Variants in BICD1 observed in about 807,000 individuals in gnomAD.
BICD1 encodes the protein BICD cargo adaptor 1, also known as protein bicaudal D homolog 1.
In BICD1, 35 loss-of-function variants were observed where a neutral mutation model predicts 92.5. The observed-to-expected ratio is 0.38, with a 90% CI of 0.29 to 0.50. The LOEUF is 0.50. BICD1 is among the 20% of genes least tolerant of loss of function. The probability of loss-of-function intolerance (pLI) is 0.93; values close to 1 mark genes in which losing one functional copy is unlikely to be tolerated. For synonymous variants in BICD1, 429 were observed against 465.1 expected (o/e 0.92, Z 1.00); for missense variants, 950 against 1,189.8 (o/e 0.80, Z 2.97).
chr12:32,148,557 A>G (rs1303288067), intron 1 of BICD1, among the ~76,000 whole-genome samples: 2 of 152,180 alleles, frequency 1.3e-5, no homozygotes, highest in African/African-American at 2.4e-5. Context: ...ACAGTTTCCC[A>G]GCCCATGAAT....
At chr12:32,363,503 A>G (rs907709704) in intron 8 of BICD1, among the ~76,000 whole-genome samples, 24 of 152,220 alleles carry the variant, frequency 1.6e-4, no homozygotes, top group African/African-American at 5.8e-4. Context: ...TAAACACTTT[A>G]ATTTTATGAT....
intron 2 of BICD1, among the ~76,000 whole-genome samples, chr12:32,235,197 A>G (rs1311764747): frequency 6.6e-6 from 1 of 152,196 alleles, no homozygotes; most frequent in Non-Finnish European, 1.5e-5. Flanking sequence ...GTGTCTGTCT[A>G]AGAATGGGGT....
intron 8 of BICD1, among the ~76,000 whole-genome samples, chr12:32,365,467 A>G (rs1435325787): frequency 6.6e-6 from 1 of 152,216 alleles, no homozygotes; most frequent in Non-Finnish European, 1.5e-5. Context: ...CAAATATATG[A>G]GATATTTTTA....
intron 8 of BICD1, among the ~76,000 whole-genome samples, chr12:32,364,801 A>C (rs1939463779): frequency 6.6e-6 from 1 of 152,128 alleles, no homozygotes; most frequent in African/African-American, 2.4e-5. Context: ...AATTTAAAAA[A>C]TTAGCAGGGT....
At chr12:32,244,006 T>C (rs568156210) in intron 2 of BICD1, among the ~76,000 whole-genome samples, 1 of 152,014 alleles carries the variant, frequency 6.6e-6, no homozygotes, top group Admixed American at 6.5e-5. Context: ...AATTATTTCT[T>C]ATTCAAACTT....
chr12:32,325,841 G>A (rs2136254763), intron 4 of BICD1, among the ~76,000 whole-genome samples: 1 of 152,108 alleles, frequency 6.6e-6, no homozygotes, highest in East Asian at 1.9e-4. Flanking sequence ...TGTAATCTTT[G>A]GGAGGCCGAG....
intron 3 of BICD1, among the ~76,000 whole-genome samples, chr12:32,297,223 C>T (rs56235810): frequency 0.1 from 15,253 of 151,982 alleles, 874 homozygotes; most frequent in South Asian, 0.14. Context: ...TTGGGGTTTT[C>T]TTGAGACAGG....
At chr12:32,126,895 G>A (rs1942365422) in intron 1 of BICD1, among the ~76,000 whole-genome samples, 2 of 152,144 alleles carry the variant, frequency 1.3e-5, no homozygotes, top group Non-Finnish European at 2.9e-5. Flanking sequence ...CATTTTTGTG[G>A]CTGCTTATGA....
intron 2 of BICD1, among the ~76,000 whole-genome samples, chr12:32,265,587 C>T (rs1460196026): frequency 6.6e-6 from 1 of 150,632 alleles, no homozygotes; most frequent in Non-Finnish European, 1.5e-5. Flanking sequence ...CACAGTGTCG[C>T]ATGCCTCTAG....
At chr12:32,326,257 T>C (rs1340212508) in intron 4 of BICD1, among the ~76,000 whole-genome samples, 4 of 152,024 alleles carry the variant, frequency 2.6e-5, no homozygotes, top group South Asian at 2.1e-4. Context: ...ATACTTCTTA[T>C]AGAACAATAA....
At chr12:32,180,207 G>C (rs1409064687) in intron 1 of BICD1, among the ~76,000 whole-genome samples, 2 of 151,822 alleles carry the variant, frequency 1.3e-5, no homozygotes, top group Non-Finnish European at 2.9e-5. Flanking sequence ...TCAATAATCA[G>C]CTCTGCGACT....
chr12:32,190,913 TAAC>T (rs1944545923), intron 1 of BICD1, among the ~76,000 whole-genome samples: 1 of 152,208 alleles, frequency 6.6e-6, no homozygotes, highest in Non-Finnish European at 1.5e-5. Context: ...CTGATCATAA[TAAC>T]ATTAGAAATT....
rs1938569090 is a variant in BICD1, at chr12:32,346,444, G to A, written c.2764+7465G>A. Among the ~76,000 whole-genome samples, 3 of 146,416 alleles carry A rather than the reference G, an allele frequency of 2.0e-5. No homozygotes were observed. The South Asian group carries it at 6.5e-4, about 32-fold the overall frequency. The stretch of plus-strand genomic sequence containing the variant: ...AGGTGTGGGGATCGCTTGAGCCCAG[G>A]AAGCAGAGGTTGCAGTGAGCCAGGA... On this transcript the variant is annotated intron_variant, in intron 8 of 9. Coordinates refer to ENST00000652176, the MANE Select transcript of BICD1 (RefSeq NM_001714.4).
chr12:32,311,344 CA>C (rs1948370636), intron 4 of BICD1, among the ~76,000 whole-genome samples: 1 of 151,862 alleles, frequency 6.6e-6, no homozygotes, highest in South Asian at 2.1e-4. Flanking sequence ...AAAAAAAATA[CA>C]AAAATTAGCT....
At chr12:32,237,751 G>GA (rs889499108) in intron 2 of BICD1, among the ~76,000 whole-genome samples, 16 of 152,050 alleles carry the variant, frequency 1.1e-4, no homozygotes, top group African/African-American at 3.4e-4. Context: ...CTACCACTCA[G>GA]AAAAAAAGGT....
intron 2 of BICD1, among the ~76,000 whole-genome samples, chr12:32,270,099 C>T (rs1292666429): frequency 6.9e-6 from 1 of 144,676 alleles, no homozygotes; most frequent in East Asian, 2.0e-4. Flanking sequence ...CCAGCCTGAG[C>T]GACAAAGCCA....
chr12:32,381,332 G>C lies in BICD1; in HGVS notation c.*3705G>C, dbSNP rs1489719788. On this transcript the variant is annotated 3_prime_UTR_variant, in exon 10 of 10. Coordinates refer to ENST00000652176, the MANE Select transcript of BICD1 (RefSeq NM_001714.4). ...CCTCAGGAATACTTCAGAAATAGAA[G>C]GTATGCAATCCCTTAGTGGGGGGCA... 1 of 151,980 alleles carries C rather than the reference G, an allele frequency of 6.6e-6. No individual in the cohort carries two copies. The highest frequency in any genetic ancestry group is 1.5e-5 in the Non-Finnish European group (1 of 67,958). The allele number at this position is 151,980 out of a possible 1,614,324, so 9.4% of individuals were successfully genotyped here.
intron 2 of BICD1, among the ~76,000 whole-genome samples, chr12:32,268,577 C>A (rs1395265846): frequency 6.6e-6 from 1 of 152,160 alleles, no homozygotes; most frequent in African/African-American, 2.4e-5. Flanking sequence ...AGGTGGATCA[C>A]TTGAGGTCAG....
intron 1 of BICD1, among the ~76,000 whole-genome samples, chr12:32,193,963 C>T (rs73076293): frequency 0.019 from 2,966 of 152,152 alleles, 38 homozygotes; most frequent in Non-Finnish European, 0.03. Context: ...AAAATACCAG[C>T]GAACCTAATT....
Sources: allele counts gnomAD v4.1 joint callset (sites outside exome capture counted in the v4.1 genomes callset), GRCh38; gene constraint gnomAD v4.1.1; transcripts MANE v1.5; gene names NCBI Gene and HGNC (gene_info 2026-07-23, HGNC 2026-07-21).